The following TUT4 variants were observed in gnomAD, a reference collection of about 807,000 sequenced individuals.
TUT4 encodes terminal uridylyltransferase 4.
A neutral mutation model predicts 192.2 loss-of-function variants in TUT4; 36 were observed. The ratio of observed to expected loss-of-function variants is 0.19; its 90% CI spans 0.14 to 0.25. The LOEUF (loss-of-function observed/expected upper bound fraction) is 0.25, where lower values mean the gene tolerates loss of function less well. TUT4 is among the 10% of genes least tolerant of loss of function. The pLI is 1.00. For synonymous variants in TUT4, 618 were observed against 666.0 expected (o/e 0.93, Z 1.11); for missense variants, 1,493 against 1,957.2 (o/e 0.76, Z 4.47).
chr1:52,513,553 T>C (rs1227288000), intron 3 of TUT4, among the ~76,000 whole-genome samples: 1 of 151,924 alleles, frequency 6.6e-6, no homozygotes, highest in African/African-American at 2.4e-5. Context: ...ACGCTGGTAC[T>C]GGCACAGTAA....
At chr1:52,425,194 C>CA in intron 29 of TUT4, 155 bp downstream of exon 29, 2 of 837,952 alleles carry the variant, frequency 2.4e-6, no homozygotes, top group Non-Finnish European at 3.5e-6. Context: ...TTTTGTTTTA[C>CA]AAGCACCTAG....
In TUT4 at chr1:52,463,545, G is replaced by C. The variant is rs1315695875; in HGVS notation, c.3069+1525C>G. ...TGCTGAATTCTTTTATAATGTAACA[G>C]AGGCGATACTGACACCACTACAGAT... On this transcript the variant is annotated intron_variant, in intron 16 of 29. Transcript: ENST00000257177. 118 of 1,178,828 alleles carry C rather than the reference G, an allele frequency of 1.0e-4. 1 individual carries two copies. The allele number at this position is 1,178,828 out of a possible 1,614,324, so 73.0% of individuals were successfully genotyped here. A position where few individuals can be genotyped will look rare whatever the true frequency, so the allele number is the denominator to read the frequency against.
At chr1:52,441,141 T>C (rs1028869258) in intron 24 of TUT4, among the ~76,000 whole-genome samples, 1 of 152,138 alleles carries the variant, frequency 6.6e-6, no homozygotes, top group Non-Finnish European at 1.5e-5. Flanking sequence ...GAGATACCTA[T>C]AGATGCAGGT....
At chr1:52,436,672 A>G (rs926052747) in intron 26 of TUT4, 83 bp downstream of exon 26, 4 of 1,573,074 alleles carry the variant, frequency 2.5e-6, no homozygotes, top group African/African-American at 2.7e-5. Flanking sequence ...TTTGCAACAG[A>G]GAGGAATTAG....
chr1:52,429,419 G>A (rs1651244997), intron 28 of TUT4, among the ~76,000 whole-genome samples: 1 of 151,592 alleles, frequency 6.6e-6, no homozygotes, highest in Admixed American at 6.6e-5. Flanking sequence ...AGTGGTGTGT[G>A]CCTGTAGTCC....
chr1:52,532,915 T>C (rs1236479348), intron 1 of TUT4, among the ~76,000 whole-genome samples: 1 of 152,232 alleles, frequency 6.6e-6, no homozygotes, highest in Non-Finnish European at 1.5e-5. Context: ...CACTTCCTCA[T>C]GCTCTCTTTC....
chr1:52,522,067 T>A (rs1680437001), intron 2 of TUT4, among the ~76,000 whole-genome samples: 1 of 128,072 alleles, frequency 7.8e-6, no homozygotes, highest in Admixed American at 6.9e-5. Context: ...TTAATTTGGA[T>A]GTTTTCATAT....
chr1:52,508,984 A>G (rs529554698), intron 4 of TUT4, among the ~76,000 whole-genome samples: 5 of 152,264 alleles, frequency 3.3e-5, no homozygotes, highest in African/African-American at 9.6e-5. Context: ...TTCCAATCAT[A>G]CTAGACTTAA....
chr1:52,513,222 C>T (rs568018402), intron 3 of TUT4, among the ~76,000 whole-genome samples: 1 of 150,222 alleles, frequency 6.7e-6, no homozygotes, highest in South Asian at 2.1e-4. Flanking sequence ...GGCAACCTGG[C>T]AAAACACCAT....
chr1:52,435,595 C>A (rs941823932), intron 26 of TUT4, 130 bp from the exon 27 acceptor site: 5 of 697,012 alleles, frequency 7.2e-6, no homozygotes, highest in Non-Finnish European at 1.2e-5. Context: ...GACTTTTAAA[C>A]CTTAAGTATA....
At chr1:52,464,491 T>C (rs936569865) in intron 16 of TUT4, among the ~76,000 whole-genome samples, 2 of 152,174 alleles carry the variant, frequency 1.3e-5, no homozygotes, top group Non-Finnish European at 2.9e-5. Context: ...CTTGACCTCA[T>C]GATCCGCCCA....
chr1:52,536,936 C>G (rs910996298), intron 1 of TUT4, among the ~76,000 whole-genome samples: 2 of 152,132 alleles, frequency 1.3e-5, no homozygotes, highest in Non-Finnish European at 2.9e-5. Flanking sequence ...GAGGCCAAGG[C>G]AGGCGGATCA....
rs767703729 is a variant in TUT4, at chr1:52,431,413, G to A, written c.4311C>T (p.Asn1437=). 4 of 1,613,984 alleles carry A rather than the reference G, an allele frequency of 2.5e-6. No individual in the cohort carries two copies. The South Asian group carries it at 3.3e-5, about 13-fold the overall frequency. The part of the protein sequence containing the change: ...YSPQPQPFPQ[N]SSQSAAITQP... ...GAGTAATAGCAGCTGACTGGGAAGA[G>A]TTCTGTGGAAATGGCTGAGGCTGAG... Residue 1437 remains asparagine (N), a synonymous_variant, in exon 28 of 30, where the codon AAC becomes AAT. Transcript: ENST00000257177.
chr1:52,508,501 C>T (rs898325347), intron 4 of TUT4, among the ~76,000 whole-genome samples: 1 of 152,090 alleles, frequency 6.6e-6, no homozygotes, highest in African/African-American at 2.4e-5. Context: ...ATGTTGAGCA[C>T]CTACTGTTGT....
rs894062977 is a variant in TUT4, at chr1:52,543,954, T to C, written c.-94+8977A>G. 2.0e-5 allele frequency among the ~76,000 whole-genome samples: 3 copies of C among 151,888 alleles called. No homozygotes were observed. The East Asian group carries it at 5.8e-4, about 29-fold the overall frequency. On this transcript the variant is annotated intron_variant, in intron 1 of 29. Transcript: ENST00000257177. Reference sequence around the variant, plus strand: ...AAGTCTTGACAAAGAAAAACAAAAGTGGAGGACTCATACTTCCTAGTCGCA... The same window carrying C: ...AAGTCTTGACAAAGAAAAACAAAAGCGGAGGACTCATACTTCCTAGTCGCA...
At chr1:52,430,190 A>C (rs1440000689) in intron 28 of TUT4, among the ~76,000 whole-genome samples, 1 of 152,142 alleles carries the variant, frequency 6.6e-6, no homozygotes, top group Non-Finnish European at 1.5e-5. Context: ...ATTGTTCCTG[A>C]GAAAAAATAG....
At chr1:52,541,486 C>T (rs866333669) in intron 1 of TUT4, among the ~76,000 whole-genome samples, 2 of 151,508 alleles carry the variant, frequency 1.3e-5, no homozygotes, top group South Asian at 2.1e-4. Flanking sequence ...GAGCCAAGAT[C>T]GCGCCATTGC....
intron 3 of TUT4, chr1:52,515,384 A>G (rs1010590002): frequency 3.7e-5 from 6 of 160,334 alleles, no homozygotes; most frequent in African/African-American, 1.4e-4. Flanking sequence ...TGCCTAAATC[A>G]GAGGTCAGCA....
Position 52,497,085 on chromosome 1 carries a change from A to G in TUT4, c.1098T>C (p.His366=), listed in dbSNP as rs1016901810. 5 of 1,613,956 alleles carry G rather than the reference A, an allele frequency of 3.1e-6. No individual in the cohort carries two copies. The Admixed American group carries it at 8.3e-5, about 27-fold the overall frequency. ...SVAVIELAKE[H]GITDDDLRVR... ...CTCTGAGGTCATCATCTGTTATTCC[A>G]TGTTCTTTTGCTAATTCAATGACTG... Residue 366 remains histidine (H), a synonymous_variant, in exon 5 of 30, where the codon CAT becomes CAC. Coordinates refer to ENST00000257177, the MANE Select transcript of TUT4 (RefSeq NM_001009881.3).
Sources: gnomAD v4.1 joint callset for allele counts (sites outside exome capture counted in the v4.1 genomes callset) on GRCh38, gnomAD v4.1.1 for gene constraint, MANE v1.5 for transcripts, NCBI Gene and HGNC (gene_info 2026-07-23, HGNC 2026-07-21) for gene names.